The following TXNDC15 variants were observed in gnomAD, a reference collection of about 807,000 sequenced individuals.
The protein encoded by TXNDC15 is thioredoxin domain containing 15.
TXNDC15 carries 24 observed loss-of-function variants against 35.0 expected under a neutral mutation model. The observed-to-expected ratio is 0.68, with a 90% CI of 0.50 to 0.96. The LOEUF is 0.96. Ranked by LOEUF, TXNDC15 falls within the 40% of genes least tolerant of loss-of-function variation. TXNDC15 has a pLI of 0.00. For synonymous variants in TXNDC15, 169 were observed against 174.0 expected (o/e 0.97, Z 0.23); for missense variants, 385 against 453.3 (o/e 0.85, Z 1.37).
chr5:134,874,890 C>T (rs1750001391), intron 1 of TXNDC15, among the ~76,000 whole-genome samples: 1 of 152,230 alleles, frequency 6.6e-6, no homozygotes, highest in Non-Finnish European at 1.5e-5. Context: ...TTGTTGTGGC[C>T]GTATTAGGAG....
chr5:134,877,532 G>C (rs1166456746), intron 1 of TXNDC15, among the ~76,000 whole-genome samples: 2 of 152,170 alleles, frequency 1.3e-5, no homozygotes, highest in African/African-American at 4.8e-5. Context: ...GACAAGAATT[G>C]GCTGTGGCCT....
Position 134,888,049 on chromosome 5 carries a change from T to C in TXNDC15, c.458T>C (p.Val153Ala). 1 of 1,614,162 alleles carries C rather than the reference T, an allele frequency of 6.2e-7. No individual in the cohort carries two copies. The highest frequency in any genetic ancestry group is 1.3e-5 in the African/African-American group (1 of 75,032). The change falls in exon 2 of 5, where the codon GTG (valine) becomes GCG (alanine). Residue 153 changes from valine to alanine, a missense_variant. By Grantham distance (64) the Val-to-Ala change is moderately conservative. Coordinates refer to ENST00000358387, the MANE Select transcript of TXNDC15 (RefSeq NM_024715.4). ...GAGGAGTATTACACAGAGCCAGAAG[T>C]GGCGGAATCTGACGCAGCCCCGACA... ...REEEYYTEPE[V>A]AESDAAPTED... is the part of the protein sequence containing the mutation.
At chr5:134,874,828 C>T (rs1227612204) in intron 1 of TXNDC15, among the ~76,000 whole-genome samples, 1 of 152,244 alleles carries the variant, frequency 6.6e-6, no homozygotes, top group Non-Finnish European at 1.5e-5. Flanking sequence ...CTGAGGCATA[C>T]CCTCTGGTGA....
intron 3 of TXNDC15, among the ~76,000 whole-genome samples, chr5:134,894,479 T>G (rs1348151523): frequency 6.6e-6 from 1 of 151,482 alleles, no homozygotes; most frequent in Non-Finnish European, 1.5e-5. Context: ...GTGATTCTCC[T>G]GCCTCAGCCT....
Position 134,889,365 on chromosome 5 carries a change from C to T in TXNDC15, c.591+1183C>T, listed in dbSNP as rs561888024. 1.1e-4 allele frequency among the ~76,000 whole-genome samples: 16 copies of T among 152,276 alleles called. No homozygotes were observed. The East Asian group carries it at 1.2e-3, about 11-fold the overall frequency. On this transcript the variant is annotated intron_variant, in intron 2 of 4. Coordinates refer to ENST00000358387, the MANE Select transcript of TXNDC15 (RefSeq NM_024715.4). ...TCAGCCTCCCGAGTAGCTGGGATTA[C>T]GGCACATGCCACCACGCCTGGCTAA...
chr5:134,886,808 G>A (rs1032644416), intron 1 of TXNDC15, among the ~76,000 whole-genome samples: 3 of 152,228 alleles, frequency 2.0e-5, no homozygotes, highest in African/African-American at 7.2e-5. Flanking sequence ...GTAGCAGCCA[G>A]AAAACTTTGC....
At chr5:134,895,421 T>C (rs2150190333) in intron 3 of TXNDC15, among the ~76,000 whole-genome samples, 1 of 152,322 alleles carries the variant, frequency 6.6e-6, no homozygotes, top group East Asian at 1.9e-4. Context: ...TCTTTGGTTC[T>C]GGGTCTCACA....
chr5:134,884,836 C>T (rs1422334943), intron 1 of TXNDC15, among the ~76,000 whole-genome samples: 1 of 151,576 alleles, frequency 6.6e-6, no homozygotes, highest in Non-Finnish European at 1.5e-5. Context: ...TTCCTGCTTC[C>T]TTATATGTCT....
rs890935481 is a variant in TXNDC15 at position 134,899,729 on chromosome 5, T to C, written c.*44T>C. 8 of 1,476,388 alleles carry C rather than the reference T, an allele frequency of 5.4e-6. No homozygotes were observed. The South Asian group carries it at 1.1e-4, about 20-fold the overall frequency. 91.5% of individuals were successfully genotyped at this position (1,476,388 alleles called of 1,614,324 possible). Reference sequence around the variant, plus strand: ...TGGAAAGAGGAACTTCAATCCTTCGTTTCAGAAATTAGTGCTACAGTTTCA... The same window carrying C: ...TGGAAAGAGGAACTTCAATCCTTCGCTTCAGAAATTAGTGCTACAGTTTCA... On this transcript the variant is annotated 3_prime_UTR_variant, in exon 5 of 5. Transcript: ENST00000358387.
intron 1 of TXNDC15, among the ~76,000 whole-genome samples, chr5:134,876,665 G>A (rs1750039868): frequency 6.6e-6 from 1 of 151,812 alleles, no homozygotes; most frequent in African/African-American, 2.4e-5. Flanking sequence ...GCCAGGCCAT[G>A]AATGGGGTGA....
upstream of TXNDC15, chr5:134,874,154 T>G (rs912763028): frequency 2.7e-6 from 1 of 372,626 alleles, no homozygotes; most frequent in African/African-American, 2.1e-5. Flanking sequence ...CATGGGCCTC[T>G]GCCAGAGCCA....
chr5:134,888,722 T>A (rs1420275191), intron 2 of TXNDC15, among the ~76,000 whole-genome samples: 1 of 152,134 alleles, frequency 6.6e-6, no homozygotes, highest in Non-Finnish European at 1.5e-5. Context: ...CTTCAGGTAA[T>A]CCACCCGTCT....
chr5:134,898,904 G>A (rs776580740), intron 4 of TXNDC15, among the ~76,000 whole-genome samples: 6 of 152,020 alleles, frequency 3.9e-5, no homozygotes, highest in East Asian at 1.9e-4. Flanking sequence ...GTGAAACCTC[G>A]TCTCTACTAA....
chr5:134,879,242 A>G (rs1750095099), intron 1 of TXNDC15, among the ~76,000 whole-genome samples: 1 of 152,222 alleles, frequency 6.6e-6, no homozygotes. Flanking sequence ...TACCAGCTCC[A>G]TGCACCACTT....
At position 134,900,239 on chromosome 5, in the gene TXNDC15, T is replaced by G. The variant is rs1750571782; in HGVS notation, c.*554T>G. ...GATCTCTAACTCAAAAAATTTGAAG[T>G]GTTTTAAGTTGTTTCTGGGTAAGGG... On this transcript the variant is annotated 3_prime_UTR_variant, in exon 5 of 5. Transcript: ENST00000358387. 6.6e-6 allele frequency: 1 copy of G among 152,366 alleles called. No homozygotes were observed. Among genetic ancestry groups the G allele is most frequent in the African/African-American group, 2.4e-5 (1 of 41,450 alleles). 9.4% of individuals were successfully genotyped at this position (152,366 alleles called of 1,614,324 possible).
In TXNDC15 at chr5:134,900,686, CAAAA is replaced by C. The variant is rs916123585; in HGVS notation, c.*1003_*1006del. ...AGCGAAACTCCATCTCAAAAACAAA[CAAAA>C]AGAAGTATTGAAGTGTAAAACACTG... On this transcript the variant is annotated 3_prime_UTR_variant, in exon 5 of 5. Transcript: ENST00000358387. 2.0e-5 allele frequency: 3 copies of C among 151,924 alleles called. No homozygotes were observed. The highest frequency in any genetic ancestry group is 4.4e-5 in the Non-Finnish European group (3 of 68,020). The allele number at this position is 151,924 out of a possible 1,614,324, so 9.4% of individuals were successfully genotyped here. A position where few individuals can be genotyped will look rare whatever the true frequency, so the allele number is the denominator to read the frequency against.
chr5:134,877,854 C>A (rs1431840642), intron 1 of TXNDC15, among the ~76,000 whole-genome samples: 2 of 151,330 alleles, frequency 1.3e-5, no homozygotes, highest in Non-Finnish European at 2.9e-5. Context: ...CTCATTGCAA[C>A]CTCTGCCTCC....
chr5:134,886,323 G>A (rs1055874432), intron 1 of TXNDC15, among the ~76,000 whole-genome samples: 6 of 152,218 alleles, frequency 3.9e-5, no homozygotes, highest in South Asian at 2.1e-4. Flanking sequence ...CTGTTGGCAC[G>A]CAGAACTCAT....
At position 134,874,379 on chromosome 5, in the gene TXNDC15, G is replaced by A. The variant is rs746443447; in HGVS notation, c.-49G>A. On this transcript the variant is annotated 5_prime_UTR_variant, in exon 1 of 5. Transcript: ENST00000358387. ...CTCCTCCCCCAGCCTTCCTCCGGCT[G>A]GCAGCACGACTCGCGTAGCCGTGCG... The A allele has an allele frequency of 2.7e-6, 4 of 1,502,860 alleles. No homozygotes were observed. The highest frequency in any genetic ancestry group is 3.6e-6 in the Non-Finnish European group (4 of 1,120,930). The allele number at this position is 1,502,860 out of a possible 1,614,324, so 93.1% of individuals were successfully genotyped here.
Sources: allele counts gnomAD v4.1 joint callset (sites outside exome capture counted in the v4.1 genomes callset), GRCh38; gene constraint gnomAD v4.1.1; transcripts MANE v1.5; gene names NCBI Gene and HGNC (gene_info 2026-07-23, HGNC 2026-07-21).